LEF1: variants seen among roughly 807,000 people sequenced by gnomAD.
The protein encoded by LEF1 is lymphoid enhancer-binding factor 1.
In LEF1, 14 loss-of-function variants were observed where a neutral mutation model predicts 51.2. The observed-to-expected ratio is 0.27, with a 90% CI of 0.18 to 0.43. The LOEUF is 0.43. Ranked by LOEUF, LEF1 falls within the 20% of genes least tolerant of loss-of-function variation. The pLI is 1.00. For missense variants in LEF1, 386 were observed against 512.0 expected (o/e 0.75, Z 2.37); for synonymous variants, 185 against 183.2 (o/e 1.01, Z -0.08).
At chr4:108,139,948 C>A (rs2110369539) in intron 3 of LEF1, among the ~76,000 whole-genome samples, 1 of 152,152 alleles carries the variant, frequency 6.6e-6, no homozygotes, top group Non-Finnish European at 1.5e-5. Context: ...TTTCTTACCT[C>A]AAAAAGAATT....
At chr4:108,120,021 G>A (rs1338295358) in intron 3 of LEF1, among the ~76,000 whole-genome samples, 2 of 149,318 alleles carry the variant, frequency 1.3e-5, no homozygotes, top group Non-Finnish European at 3.0e-5. Flanking sequence ...GTGTGTGTGT[G>A]TGTGTGTGTG....
intron 3 of LEF1, among the ~76,000 whole-genome samples, chr4:108,157,918 CT>C (rs1744830204): frequency 6.6e-6 from 1 of 152,190 alleles, no homozygotes; most frequent in Non-Finnish European, 1.5e-5. Flanking sequence ...ACAGCCTCTG[CT>C]AACAGTCTGC....
At chr4:108,088,733 G>T (rs1391753813) in intron 4 of LEF1, among the ~76,000 whole-genome samples, 1 of 68,218 alleles carries the variant, frequency 1.5e-5, no homozygotes, top group South Asian at 5.6e-4. Context: ...AACCAAAAGA[G>T]ATTCAAAAGA....
chr4:108,068,174 G>A (rs911056006), intron 9 of LEF1, among the ~76,000 whole-genome samples: 2 of 152,086 alleles, frequency 1.3e-5, no homozygotes, highest in African/African-American at 4.8e-5. Flanking sequence ...GGCTGAGGCT[G>A]GAGAATCGCT....
At chr4:108,053,824 G>A (rs1737159142) in intron 11 of LEF1, among the ~76,000 whole-genome samples, 2 of 152,202 alleles carry the variant, frequency 1.3e-5, no homozygotes, top group Admixed American at 1.3e-4. Flanking sequence ...AAAGCCCATT[G>A]TAGTTCTGTC....
At position 108,082,624 on chromosome 4, in the gene LEF1, A is replaced by T. The variant is rs989048964; in HGVS notation, c.638+732T>A. Among the ~76,000 whole-genome samples, 5 of 152,292 alleles carry T rather than the reference A, an allele frequency of 3.3e-5. No homozygotes were observed. The South Asian group carries it at 8.3e-4, about 25-fold the overall frequency. Reference sequence around the variant, plus strand: ...CTATGGAGGGAGAATTGGAGAGGGAAGAGTGGAGAGAGCATGGGAGTGGGA... The same window carrying T: ...CTATGGAGGGAGAATTGGAGAGGGATGAGTGGAGAGAGCATGGGAGTGGGA... On this transcript the variant is annotated intron_variant, in intron 5 of 11. Transcript: ENST00000265165.
intron 9 of LEF1, among the ~76,000 whole-genome samples, chr4:108,066,307 T>G (rs887738931): frequency 1.3e-5 from 2 of 152,312 alleles, no homozygotes; most frequent in East Asian, 3.9e-4. Flanking sequence ...GTCTGGAACT[T>G]TATTTCACAC....
chr4:108,144,604 C>T (rs148186372), intron 3 of LEF1, among the ~76,000 whole-genome samples: 9 of 152,224 alleles, frequency 5.9e-5, no homozygotes, highest in African/African-American at 2.2e-4. Flanking sequence ...TTTAAAATAG[C>T]AAGTGCCCTA....
intron 3 of LEF1, among the ~76,000 whole-genome samples, chr4:108,115,522 C>G (rs1741778534): frequency 6.6e-6 from 1 of 152,128 alleles, no homozygotes. Context: ...TAAATAGTAG[C>G]TGATGCCACA....
rs531826150 is a variant in LEF1, at chr4:108,166,987, C to T, written c.213+568G>A. Among the ~76,000 whole-genome samples, 296 of 152,198 alleles carry T rather than the reference C, an allele frequency of 1.9e-3. 2 individuals carry two copies. Among genetic ancestry groups the T allele is most frequent in the African/African-American group, 6.7e-3 (278 of 41,552 alleles). ...CCCGGGTGCGCGCCCCATCGGCCGGCCTGCTCCCCGCGGCCCGGCTCACCG... is the reference window on the plus strand; with the variant it reads ...CCCGGGTGCGCGCCCCATCGGCCGGTCTGCTCCCCGCGGCCCGGCTCACCG... On this transcript the variant is annotated intron_variant, in intron 1 of 11. Coordinates refer to ENST00000265165, the MANE Select transcript of LEF1 (RefSeq NM_016269.5).
At chr4:108,129,620 C>T (rs1742743279) in intron 3 of LEF1, among the ~76,000 whole-genome samples, 1 of 152,122 alleles carries the variant, frequency 6.6e-6, no homozygotes, top group Admixed American at 6.5e-5. Flanking sequence ...AGATAGAGAA[C>T]AAAAACCTTG....
chr4:108,091,685 C>T (rs920986897), intron 3 of LEF1, among the ~76,000 whole-genome samples: 1 of 152,106 alleles, frequency 6.6e-6, no homozygotes, highest in Non-Finnish European at 1.5e-5. Context: ...TTAAACAAAT[C>T]TTCTAATGCT....
chr4:108,120,066 C>G (rs556746678), intron 3 of LEF1, among the ~76,000 whole-genome samples: 1 of 151,758 alleles, frequency 6.6e-6, no homozygotes, highest in African/African-American at 2.4e-5. Context: ...GGGTCTCACT[C>G]TGACACCCAG....
chr4:108,097,915 GT>G (rs1740499136), intron 3 of LEF1, among the ~76,000 whole-genome samples: 1 of 152,136 alleles, frequency 6.6e-6, no homozygotes. Context: ...TGAGTGAGAA[GT>G]CAGGAGCAAA....
intron 3 of LEF1, among the ~76,000 whole-genome samples, chr4:108,099,442 G>A (rs1348743041): frequency 6.7e-6 from 1 of 150,148 alleles, no homozygotes; most frequent in Non-Finnish European, 1.5e-5. Flanking sequence ...GGCAGAGCTG[G>A]TAATTTAACA....
chr4:108,146,719 C>G (rs1280655634), intron 3 of LEF1, among the ~76,000 whole-genome samples: 1 of 152,148 alleles, frequency 6.6e-6, no homozygotes, highest in Non-Finnish European at 1.5e-5. Flanking sequence ...AAAACTCCGA[C>G]AAGTTTTTTG....
chr4:108,134,002 C>T (rs1164159346), intron 3 of LEF1, among the ~76,000 whole-genome samples: 51 of 152,288 alleles, frequency 3.3e-4, no homozygotes, highest in Non-Finnish European at 1.0e-4. Flanking sequence ...GGCACACATA[C>T]TGTGTGTTTT....
At chr4:108,149,162 CAT>C (rs1470922626) in intron 3 of LEF1, among the ~76,000 whole-genome samples, 1 of 152,162 alleles carries the variant, frequency 6.6e-6, no homozygotes, top group Non-Finnish European at 1.5e-5. Context: ...CAGCAAGTAA[CAT>C]AAACAAATAG....
chr4:108,135,825 C>A (rs1443701985), intron 3 of LEF1, among the ~76,000 whole-genome samples: 2 of 152,156 alleles, frequency 1.3e-5, no homozygotes, highest in African/African-American at 4.8e-5. Flanking sequence ...TTGGAGCCTG[C>A]AATTCCTTCT....
Sources: gnomAD v4.1 joint callset for allele counts (sites outside exome capture counted in the v4.1 genomes callset) on GRCh38, gnomAD v4.1.1 for gene constraint, MANE v1.5 for transcripts, NCBI Gene and HGNC (gene_info 2026-07-23, HGNC 2026-07-21) for gene names.